RBFOX1: variants seen among roughly 807,000 people sequenced by gnomAD.
RBFOX1 encodes RNA binding protein fox-1 homolog 1.
In RBFOX1, 8 loss-of-function variants were observed where a neutral mutation model predicts 57.7. The observed-to-expected ratio is 0.14, with a 90% CI of 0.08 to 0.25. The LOEUF (loss-of-function observed/expected upper bound fraction) is 0.25. Ranked by LOEUF, RBFOX1 falls within the 10% of genes least tolerant of loss-of-function variation. The pLI is 1.00. For synonymous variants in RBFOX1, 326 were observed against 222.4 expected (o/e 1.47, Z -4.15); for missense variants, 611 against 548.5 (o/e 1.11, Z -1.14).
intron 3 of RBFOX1, among the ~76,000 whole-genome samples, chr16:6,776,368 G>C (rs1292573262): frequency 6.6e-6 from 1 of 152,100 alleles, no homozygotes; most frequent in African/African-American, 2.4e-5. Context: ...CCGAGGTCAT[G>C]CCACTGCACT....
chr16:6,563,072 G>A (rs906081130), intron 2 of RBFOX1, among the ~76,000 whole-genome samples: 5 of 151,830 alleles, frequency 3.3e-5, no homozygotes, highest in African/African-American at 1.2e-4. Flanking sequence ...AGGGGGCCAT[G>A]GAGTATACTC....
chr16:5,496,769 C>T (rs1456347287), intron 2 of RBFOX1, among the ~76,000 whole-genome samples: 1 of 152,150 alleles, frequency 6.6e-6, no homozygotes, highest in Non-Finnish European at 1.5e-5. Context: ...GCTGCTTCAT[C>T]CCTGTGTCGA....
At chr16:6,284,282 C>G (rs1190814639) in intron 1 of RBFOX1, among the ~76,000 whole-genome samples, 1 of 152,164 alleles carries the variant, frequency 6.6e-6, no homozygotes, top group Non-Finnish European at 1.5e-5. Flanking sequence ...CCTATGCCGT[C>G]AGGACAGCTC....
At chr16:5,345,490 C>T (rs1432475496) in intron 1 of RBFOX1, among the ~76,000 whole-genome samples, 1 of 152,222 alleles carries the variant, frequency 6.6e-6, no homozygotes, top group Non-Finnish European at 1.5e-5. Flanking sequence ...GAACTGCAGG[C>T]AGATCTTAGC....
At chr16:7,481,130 G>C (rs907757295) in intron 4 of RBFOX1, among the ~76,000 whole-genome samples, 1 of 151,818 alleles carries the variant, frequency 6.6e-6, no homozygotes, top group Non-Finnish European at 1.5e-5. Flanking sequence ...TTTTTCATTT[G>C]TTCAATGAGG....
chr16:7,601,945 T>A (rs1357113824), intron 9 of RBFOX1, among the ~76,000 whole-genome samples: 1 of 152,218 alleles, frequency 6.6e-6, no homozygotes, highest in East Asian at 1.9e-4. Flanking sequence ...TTCTTTTTGT[T>A]TGGTATTTGA....
rs146526566 is a variant in RBFOX1 at position 6,388,107 on chromosome 16, G to A, written c.-64+71050G>A. ...CGATTCTTCTGCCTCAGCCTCCCGA[G>A]TAGCTGGGACTACAGGTGCATGCTA... On this transcript the variant is annotated intron_variant, in intron 2 of 15. Transcript: ENST00000550418. Among the ~76,000 whole-genome samples, 904 of 150,744 alleles carry A rather than the reference G, an allele frequency of 6.0e-3. 5 individuals carry two copies. The highest frequency in any genetic ancestry group is 0.027 in the Middle Eastern group (8 of 294).
In RBFOX1 at chr16:6,580,731, G is replaced by A. The variant is rs77659479; in HGVS notation, c.-63-73872G>A. Among the ~76,000 whole-genome samples the A allele has an allele frequency of 8.3e-3, 1,258 of 152,154 alleles. 14 individuals are homozygous for A. Among genetic ancestry groups the A allele is most frequent in the African/African-American group, 0.029 (1,195 of 41,494 alleles). On this transcript the variant is annotated intron_variant, in intron 2 of 15. Transcript: ENST00000550418. The stretch of plus-strand genomic sequence containing the variant: ...CCTTTCTAGAGATGAGACCAGCTGA[G>A]GCTCAGAGAAGTAAGTTCCCTGGCC...
chr16:6,567,311 C>G (rs1365559748), intron 2 of RBFOX1, among the ~76,000 whole-genome samples: 8 of 152,160 alleles, frequency 5.3e-5, no homozygotes, highest in Non-Finnish European at 5.9e-5. Flanking sequence ...GTCCTGAACA[C>G]AGAGAGATGG....
intron 6 of RBFOX1, among the ~76,000 whole-genome samples, chr16:7,585,046 T>C (rs957774095): frequency 6.6e-6 from 1 of 152,244 alleles, no homozygotes; most frequent in Admixed American, 6.5e-5. Flanking sequence ...GTTCCATAGA[T>C]GACAGTTGCA....
chr16:5,346,957 T>C (rs375125166), intron 1 of RBFOX1, among the ~76,000 whole-genome samples: 11 of 152,314 alleles, frequency 7.2e-5, no homozygotes, highest in African/African-American at 2.6e-4. Context: ...TGTTCACTGA[T>C]ATCTGGCTTT....
chr16:7,348,492 C>A (rs2145788771), intron 4 of RBFOX1, among the ~76,000 whole-genome samples: 1 of 152,244 alleles, frequency 6.6e-6, no homozygotes, highest in African/African-American at 2.4e-5. Flanking sequence ...TTCCACATGC[C>A]CCTTTGCTCT....
intron 1 of RBFOX1, among the ~76,000 whole-genome samples, chr16:5,424,566 C>T (rs1008810582): frequency 2.0e-5 from 3 of 150,994 alleles, no homozygotes; most frequent in Non-Finnish European, 4.4e-5. Flanking sequence ...ATAGCTAACG[C>T]ATGCAGGGCT....
At chr16:6,670,266 C>T (rs939895812) in intron 3 of RBFOX1, among the ~76,000 whole-genome samples, 1 of 151,976 alleles carries the variant, frequency 6.6e-6, no homozygotes, top group East Asian at 1.9e-4. Context: ...ACGGGGTTTT[C>T]CCTATGTTGT....
At chr16:6,684,804 C>G (rs1477631982) in intron 3 of RBFOX1, among the ~76,000 whole-genome samples, 1 of 152,184 alleles carries the variant, frequency 6.6e-6, no homozygotes, top group Non-Finnish European at 1.5e-5. Context: ...AGAAAAATTC[C>G]TTAAAGCATT....
rs115830780 is a variant in RBFOX1 at position 6,402,029 on chromosome 16, C to A, written c.-64+84972C>A. ...GTTCCTCTGGCCCCAACCGTGATAC[C>A]TTTGTCTAATGGTGGGGCCAGGGAG... On this transcript the variant is annotated intron_variant, in intron 2 of 15. Coordinates refer to ENST00000550418, the MANE Select transcript of RBFOX1 (RefSeq NM_018723.4). Among the ~76,000 whole-genome samples, 1,163 of 150,938 alleles carry A rather than the reference C, an allele frequency of 7.7e-3. 17 individuals are homozygous for A. The highest frequency in any genetic ancestry group is 0.027 in the African/African-American group (1,111 of 41,056).
At chr16:5,959,512 T>A (rs2059708800) in intron 4 of RBFOX1, among the ~76,000 whole-genome samples, 1 of 152,078 alleles carries the variant, frequency 6.6e-6, no homozygotes, top group African/African-American at 2.4e-5. Flanking sequence ...TTTGAGTGCA[T>A]GGGGTAAGAA....
chr16:5,315,155 T>G (rs1285878262), intron 1 of RBFOX1, among the ~76,000 whole-genome samples: 3 of 152,168 alleles, frequency 2.0e-5, no homozygotes, highest in African/African-American at 7.2e-5. Flanking sequence ...GATCACGTTG[T>G]TGGTGGAGTC....
At chr16:7,608,188 C>T (rs1837123420) in intron 10 of RBFOX1, among the ~76,000 whole-genome samples, 2 of 152,150 alleles carry the variant, frequency 1.3e-5, no homozygotes, top group Non-Finnish European at 1.5e-5. Context: ...GACCTAGAGC[C>T]ACTCCCTTAG....
Sources: allele counts gnomAD v4.1 joint callset (sites outside exome capture counted in the v4.1 genomes callset), GRCh38; gene constraint gnomAD v4.1.1; transcripts MANE v1.5; gene names NCBI Gene and HGNC (gene_info 2026-07-23, HGNC 2026-07-21).